The following NCOA1 variants were observed in gnomAD, a reference collection of about 807,000 sequenced individuals.
NCOA1 encodes nuclear receptor coactivator 1.
A neutral mutation model predicts 150.9 loss-of-function variants in NCOA1; 35 were observed. The ratio of observed to expected loss-of-function variants is 0.23; its 90% CI spans 0.18 to 0.31. NCOA1 has a LOEUF of 0.31. NCOA1 is among the 10% of genes least tolerant of loss of function. The pLI, the probability that NCOA1 is intolerant of heterozygous loss-of-function variation, is 1.00. For missense variants in NCOA1, 1,491 were observed against 1,749.3 expected (o/e 0.85, Z 2.63); for synonymous variants, 590 against 630.0 (o/e 0.94, Z 0.95).
At position 24,645,475 on chromosome 2, in the gene NCOA1, A is replaced by G. The variant is rs183853479; in HGVS notation, c.-18+1353A>G. On this transcript the variant is annotated intron_variant, in intron 4 of 22. Transcript: ENST00000348332. ...CAGTGAGCAGAGATCGAGCCACTGC[A>G]CTCCAACCTGGGTGACAGAGCGAGA... Among the ~76,000 whole-genome samples the G allele has an allele frequency of 9.4e-5, 14 of 148,676 alleles. No homozygotes were observed. In the East Asian group the frequency reaches 2.0e-3, roughly 21 times the overall value.
intron 14 of NCOA1, among the ~76,000 whole-genome samples, chr2:24,716,285 T>C (rs1343183471): frequency 6.7e-6 from 1 of 149,598 alleles, no homozygotes; most frequent in Admixed American, 6.7e-5. Context: ...GGAGTATTTA[T>C]ACTGCTTGAT....
chr2:24,610,280 C>G (rs558663225), intron 3 of NCOA1, among the ~76,000 whole-genome samples: 1 of 151,822 alleles, frequency 6.6e-6, no homozygotes, highest in Non-Finnish European at 1.5e-5. Flanking sequence ...CTTGCCACCA[C>G]GCCCAGCTAA....
Position 24,710,060 on chromosome 2 carries a change from A to G in NCOA1, c.2419-871A>G, listed in dbSNP as rs182198193. ...CCTAAGACAGATGTAGGAACTCCCT[A>G]TTTATTCTTTTTTATTTTATTTTAT... is the stretch of plus-strand genomic sequence containing the variant. On this transcript the variant is annotated intron_variant, in intron 13 of 22. Coordinates refer to ENST00000348332, the MANE Select transcript of NCOA1 (RefSeq NM_003743.5). Among the ~76,000 whole-genome samples the G allele has an allele frequency of 2.9e-4, 44 of 151,320 alleles. No homozygotes were observed. The East Asian group carries it at 8.4e-3, about 29-fold the overall frequency.
chr2:24,551,156 G>T (rs1665816705), intron 1 of NCOA1, among the ~76,000 whole-genome samples: 1 of 150,994 alleles, frequency 6.6e-6, no homozygotes, highest in Admixed American at 6.6e-5. Context: ...TTGTAAGGCA[G>T]AACACTGGAT....
At chr2:24,689,128 T>C (rs866769600) in intron 8 of NCOA1, among the ~76,000 whole-genome samples, 1 of 152,188 alleles carries the variant, frequency 6.6e-6, no homozygotes, top group Non-Finnish European at 1.5e-5. Context: ...TGTACCCCTG[T>C]AATATAGTTT....
chr2:24,593,292 A>G (rs1158902776), intron 3 of NCOA1, among the ~76,000 whole-genome samples: 1 of 152,144 alleles, frequency 6.6e-6, no homozygotes, highest in African/African-American at 2.4e-5. Context: ...AGACTGGATC[A>G]GTCTACCCTG....
intron 1 of NCOA1, among the ~76,000 whole-genome samples, chr2:24,544,365 T>G (rs1217614764): frequency 2.0e-5 from 3 of 152,140 alleles, no homozygotes; most frequent in African/African-American, 2.4e-5. Context: ...AGTAAAGTTG[T>G]GGATATGAAA....
chr2:24,571,454 A>G (rs935720725), intron 2 of NCOA1, among the ~76,000 whole-genome samples: 1 of 152,136 alleles, frequency 6.6e-6, no homozygotes, highest in Non-Finnish European at 1.5e-5. Flanking sequence ...AGCACTTTAT[A>G]CATATTTACC....
intron 19 of NCOA1, among the ~76,000 whole-genome samples, chr2:24,744,918 CTG>C (rs1424962232): frequency 6.6e-6 from 1 of 152,174 alleles, no homozygotes; most frequent in Non-Finnish European, 1.5e-5. Flanking sequence ...TTGCTGATTT[CTG>C]TGTTAAGTGA....
chr2:24,492,965 C>CAAA (rs10630950), intron 1 of NCOA1, among the ~76,000 whole-genome samples: 18 of 145,110 alleles, frequency 1.2e-4, no homozygotes, highest in Admixed American at 2.7e-4. Flanking sequence ...AGGCTAGTCT[C>CAAA]AAAAAAAAAG....
chr2:24,565,822 G>A (rs1422091054), intron 2 of NCOA1, among the ~76,000 whole-genome samples: 2 of 152,136 alleles, frequency 1.3e-5, no homozygotes, highest in African/African-American at 2.4e-5. Context: ...GCATCAGCAC[G>A]GGCGCTCACT....
intron 1 of NCOA1, among the ~76,000 whole-genome samples, chr2:24,558,779 C>T (rs779902281): frequency 1.3e-5 from 2 of 152,152 alleles, no homozygotes; most frequent in Non-Finnish European, 2.9e-5. Context: ...GTTTTATAGT[C>T]AGAGAGTAAT....
intron 1 of NCOA1, among the ~76,000 whole-genome samples, chr2:24,540,431 T>G (rs1461963599): frequency 6.6e-6 from 1 of 151,854 alleles, no homozygotes; most frequent in Admixed American, 6.6e-5. Context: ...GGATTAGAAC[T>G]GTGCATGATT....
At chr2:24,563,402 G>A (rs1487661584) in intron 1 of NCOA1, among the ~76,000 whole-genome samples, 1 of 152,166 alleles carries the variant, frequency 6.6e-6, no homozygotes, top group African/African-American at 2.4e-5. Flanking sequence ...GACCGTCTCT[G>A]GAGCCTGATC....
At chr2:24,682,835 G>T in intron 7 of NCOA1, 116 bp from the exon 8 acceptor site, 3 of 803,822 alleles carry the variant, frequency 3.7e-6, no homozygotes, top group Non-Finnish European at 5.6e-6. Context: ...TTTCCTTGAG[G>T]ACAGAGACCA....
chr2:24,716,528 C>G (rs530110236), intron 14 of NCOA1, among the ~76,000 whole-genome samples: 37 of 152,258 alleles, frequency 2.4e-4, no homozygotes, highest in African/African-American at 8.7e-4. Flanking sequence ...CCTCTCTCCT[C>G]ATCCCATACA....
intron 14 of NCOA1, among the ~76,000 whole-genome samples, chr2:24,716,433 A>G (rs939768356): frequency 6.6e-6 from 1 of 152,184 alleles, no homozygotes; most frequent in African/African-American, 2.4e-5. Flanking sequence ...CAACAAAGAC[A>G]CCAAGGTAAT....
At chr2:24,492,704 A>T (rs1663030115) in intron 1 of NCOA1, among the ~76,000 whole-genome samples, 2 of 152,104 alleles carry the variant, frequency 1.3e-5, no homozygotes, top group African/African-American at 4.8e-5. Flanking sequence ...GTGAGTTTTT[A>T]ATGTCGAGTG....
At chr2:24,674,396 C>T (rs181506538) in intron 7 of NCOA1, among the ~76,000 whole-genome samples, 4 of 151,986 alleles carry the variant, frequency 2.6e-5, no homozygotes, top group South Asian at 2.1e-4. Flanking sequence ...TTAGTAGAGA[C>T]GGTGTTTCAC....
Sources: allele counts gnomAD v4.1 joint callset (sites outside exome capture counted in the v4.1 genomes callset), GRCh38; gene constraint gnomAD v4.1.1; transcripts MANE v1.5; gene names NCBI Gene and HGNC (gene_info 2026-07-23, HGNC 2026-07-21).